POLR3GL: variants seen among roughly 807,000 people sequenced by gnomAD.
POLR3GL encodes the protein DNA-directed RNA polymerase III subunit RPC7-like.
A neutral mutation model predicts 32.4 loss-of-function variants in POLR3GL; 26 were observed. The ratio of observed to expected loss-of-function variants is 0.80; its 90% CI spans 0.59 to 1.11. The LOEUF is 1.11. Among genes scored for constraint, POLR3GL ranks in the 50% most tolerant of loss-of-function variants. The probability of loss-of-function intolerance (pLI) is 0.00; values close to 1 mark genes in which losing one functional copy is unlikely to be tolerated. For synonymous variants in POLR3GL, 95 were observed against 98.7 expected (o/e 0.96, Z 0.22); for missense variants, 229 against 280.1 (o/e 0.82, Z 1.30).
At chr1:145,964,842 C>G (rs1338458221) in intron 1 of POLR3GL, 74 bp downstream of exon 1, 3 of 152,328 alleles carry the variant, frequency 2.0e-5, no homozygotes, top group Admixed American at 6.5e-5. Flanking sequence ...ATAGACAACG[C>G]TTTCCGTCAG....
intron 1 of POLR3GL, among the ~76,000 whole-genome samples, chr1:145,970,024 T>C (rs1467845629): frequency 1.3e-5 from 2 of 152,156 alleles, no homozygotes; most frequent in Non-Finnish European, 2.9e-5. Context: ...CATATCCTTC[T>C]ATAACAGATT....
intron 3 of POLR3GL, 81 bp from the exon 4 acceptor site, chr1:145,977,003 G>A: frequency 8.6e-7 from 1 of 1,158,360 alleles, no homozygotes; most frequent in East Asian, 2.3e-5. Context: ...TAATTCCTCA[G>A]TATTGAGAGG....
Position 145,977,133 on chromosome 1 carries a change from T to G in POLR3GL, c.306T>G (p.Asn102Lys). The G allele has an allele frequency of 6.2e-7, 1 of 1,613,818 alleles. No homozygotes were observed. The highest frequency in any genetic ancestry group is 8.5e-7 in the Non-Finnish European group (1 of 1,179,788). ...DKYQMSGPID[N>K]AIDWNPDWRR... ...ATCAGATGTCAGGTCCGATTGACAATGCCATCGATTGGAACCCTGGTAGGT... is the reference window on the plus strand; with the variant it reads ...ATCAGATGTCAGGTCCGATTGACAAGGCCATCGATTGGAACCCTGGTAGGT... The change falls in exon 4 of 8, where the codon AAT becomes AAG. Residue 102 changes from asparagine (N) to lysine (K), a missense_variant. Physicochemically the swap from Asn to Lys is moderately conservative, Grantham distance 94. Transcript: ENST00000369314.
Position 145,978,555 on chromosome 1 carries a change from G to T in POLR3GL, c.*108G>T. On this transcript the variant is annotated 3_prime_UTR_variant, in exon 8 of 8. Coordinates refer to ENST00000369314, the MANE Select transcript of POLR3GL (RefSeq NM_032305.3). ...CATTTGGTCAGAGTTCATATAATCT[G>T]TCTGTTCCCTGGAGATGGGAATAGA... 1 of 767,886 alleles carries T rather than the reference G, an allele frequency of 1.3e-6. No homozygotes were observed. The highest frequency in any genetic ancestry group is 1.6e-5 in the South Asian group (1 of 63,372). 47.6% of individuals were successfully genotyped at this position (767,886 alleles called of 1,614,324 possible).
At chr1:145,972,255 C>T (rs587666754) in intron 1 of POLR3GL, among the ~76,000 whole-genome samples, 1 of 151,462 alleles carries the variant, frequency 6.6e-6, no homozygotes, top group East Asian at 1.9e-4. Flanking sequence ...TGGCACATGC[C>T]TGTAATCCCA....
chr1:145,978,232 C>T (rs369796484), intron 7 of POLR3GL, 129 bp from the exon 8 acceptor site: 2 of 1,343,384 alleles, frequency 1.5e-6, no homozygotes, highest in Non-Finnish European at 2.1e-6. Flanking sequence ...CATCTGCCCC[C>T]CTTCTACAAA....
At chr1:145,973,723 A>G (rs1650425900) in intron 1 of POLR3GL, among the ~76,000 whole-genome samples, 1 of 151,744 alleles carries the variant, frequency 6.6e-6, no homozygotes, top group Non-Finnish European at 1.5e-5. Flanking sequence ...AGAAAAAAAA[A>G]AAGAAGACAC....
chr1:145,977,681 A>T (rs1437280164), intron 5 of POLR3GL, 97 bp from the exon 6 acceptor site: 4 of 1,348,166 alleles, frequency 3.0e-6, no homozygotes, highest in Non-Finnish European at 4.2e-6. Context: ...TAGTGGCCAC[A>T]TGAGGGCAGC....
intron 1 of POLR3GL, among the ~76,000 whole-genome samples, chr1:145,973,346 T>C (rs1220668819): frequency 6.6e-6 from 1 of 152,026 alleles, no homozygotes. Context: ...TTGATCACAG[T>C]GGAATATACT....
In POLR3GL at chr1:145,974,285, C is replaced by T. The variant is rs782561229; in HGVS notation, c.-41-540C>T. The stretch of plus-strand genomic sequence containing the variant: ...AATAAATGTTTCGCCGAATGCATTG[C>T]ATTGGATTGAATTGGGGCCTGGTCA... On this transcript the variant is annotated intron_variant, in intron 1 of 7. Transcript: ENST00000369314. 2.6e-5 allele frequency among the ~76,000 whole-genome samples: 4 copies of T among 152,174 alleles called. 1 individual carries two copies. The highest frequency in any genetic ancestry group is 5.9e-5 in the Non-Finnish European group (4 of 68,036).
chr1:145,964,721 A>G lies in POLR3GL; in HGVS notation c.-89A>G, dbSNP rs951737877. 9 of 152,214 alleles carry G rather than the reference A, an allele frequency of 5.9e-5. No homozygotes were observed. The highest frequency in any genetic ancestry group is 2.0e-4 in the Admixed American group (3 of 15,282). The allele number at this position is 152,214 out of a possible 1,614,324, so 9.4% of individuals were successfully genotyped here. On this transcript the variant is annotated 5_prime_UTR_variant, in exon 1 of 8. Transcript: ENST00000369314. ...CCACCGACTTGAGGAAGCCCAGTAC[A>G]TTTCAAGTTGGTCGCGGCTTGGGCT...
At chr1:145,971,477 T>C (rs1408968049) in intron 1 of POLR3GL, among the ~76,000 whole-genome samples, 3 of 152,156 alleles carry the variant, frequency 2.0e-5, no homozygotes, top group Non-Finnish European at 4.4e-5. Context: ...GAATTTGATA[T>C]TTTTCTCTTT....
In POLR3GL at chr1:145,975,312, G is replaced by A; in HGVS notation, c.132G>A (p.Leu44=). ...TLQPSPLFPP[L]EFRPVPLPSG... is the part of the protein sequence containing the mutation. ...CACTGCCCCTGCCTCTTTAGCCCTT[G>A]GAGTTCCGCCCAGTACCTTTGCCCT... The change falls in exon 3 of 8, where the codon TTG becomes TTA. Residue 44 remains leucine, a synonymous_variant. Transcript: ENST00000369314. The A allele has an allele frequency of 6.2e-7, 1 of 1,613,828 alleles. No homozygotes were observed. Among genetic ancestry groups the A allele is most frequent in the Non-Finnish European group, 8.5e-7 (1 of 1,179,698 alleles).
In POLR3GL at chr1:145,977,759, C is replaced by T. The variant is rs1553763716; in HGVS notation, c.383-19C>T. On this transcript the variant is annotated intron_variant, in intron 5 of 7. Coordinates refer to ENST00000369314, the MANE Select transcript of POLR3GL (RefSeq NM_032305.3). ...CAAAATTTGCTCTCTGAAGGTTTACCTTTTGATCCCTCCACCAGGGATTAC... is the reference window on the plus strand; with the variant it reads ...CAAAATTTGCTCTCTGAAGGTTTACTTTTTGATCCCTCCACCAGGGATTAC... The T allele has an allele frequency of 6.2e-7, 1 of 1,612,648 alleles. No individual in the cohort carries two copies. Among genetic ancestry groups the T allele is most frequent in the African/African-American group, 1.3e-5 (1 of 74,978 alleles).
At chr1:145,973,305 G>T (rs923139434) in intron 1 of POLR3GL, among the ~76,000 whole-genome samples, 1 of 151,998 alleles carries the variant, frequency 6.6e-6, no homozygotes, top group Non-Finnish European at 1.5e-5. Flanking sequence ...GTGAAAATTC[G>T]GTAGAAGGAG....
At chr1:145,975,480 G>A (rs782411331) in intron 3 of POLR3GL, 44 bp downstream of exon 3, 14 of 1,601,264 alleles carry the variant, frequency 8.7e-6, no homozygotes, top group Non-Finnish European at 1.1e-5. Flanking sequence ...CCTTCCATGG[G>A]GAGTGCCCTG....
At chr1:145,975,705 AT>A (rs1227623295) in intron 3 of POLR3GL, among the ~76,000 whole-genome samples, 1 of 152,066 alleles carries the variant, frequency 6.6e-6, no homozygotes, top group African/African-American at 2.4e-5. Flanking sequence ...TATATTTTTT[AT>A]TTTTTTGTAA....
intron 3 of POLR3GL, among the ~76,000 whole-genome samples, chr1:145,976,575 T>TG (rs1338792174): frequency 2.2e-4 from 1 of 4,460 alleles, no homozygotes; most frequent in Non-Finnish European, 4.4e-4. Flanking sequence ...AGATTCTGTC[T>TG]GAAAAAAAAA....
intron 1 of POLR3GL, among the ~76,000 whole-genome samples, chr1:145,968,149 A>G (rs1553762230): frequency 6.6e-6 from 1 of 152,240 alleles, no homozygotes; most frequent in East Asian, 1.9e-4. Flanking sequence ...GGAGTAAAAC[A>G]GAGTACAGGG....
Sources: gnomAD v4.1 joint callset for allele counts (sites outside exome capture counted in the v4.1 genomes callset) on GRCh38, gnomAD v4.1.1 for gene constraint, MANE v1.5 for transcripts, NCBI Gene and HGNC (gene_info 2026-07-23, HGNC 2026-07-21) for gene names.